The following TPRG1 variants were observed in gnomAD, a reference collection of about 807,000 sequenced individuals.
The protein encoded by TPRG1 is tumor protein p63-regulated gene 1 protein.
In TPRG1, 29 loss-of-function variants were observed where a neutral mutation model predicts 29.3. The ratio of observed to expected loss-of-function variants is 0.99; its 90% CI spans 0.74 to 1.35. The LOEUF is 1.35. Ranked by LOEUF, TPRG1 falls within the 40% of genes most tolerant of loss-of-function variation. The probability of loss-of-function intolerance (pLI) is 0.00; values close to 1 mark genes in which losing one functional copy is unlikely to be tolerated. For synonymous variants in TPRG1, 130 were observed against 116.8 expected (o/e 1.11, Z -0.73); for missense variants, 327 against 335.0 (o/e 0.98, Z 0.19).
At chr3:189,005,423 T>C (rs1473128222) in intron 3 of TPRG1, among the ~76,000 whole-genome samples, 2 of 152,072 alleles carry the variant, frequency 1.3e-5, no homozygotes, top group Non-Finnish European at 1.5e-5. Context: ...TTTGGCCCAA[T>C]CTAGAACTCT....
chr3:189,061,539 G>A (rs1028939427), intron 4 of TPRG1, among the ~76,000 whole-genome samples: 2 of 152,126 alleles, frequency 1.3e-5, no homozygotes, highest in Admixed American at 1.3e-4. Flanking sequence ...TGCAAACATT[G>A]CATCTGACAA....
At chr3:189,292,408 A>C (rs1279423654) in intron 4 of TPRG1, among the ~76,000 whole-genome samples, 1 of 150,876 alleles carries the variant, frequency 6.6e-6, no homozygotes, top group Non-Finnish European at 1.5e-5. Context: ...CTTTGGAGCT[A>C]GTGAGTGTGT....
chr3:189,160,260 C>T (rs1727294435), intron 5 of TPRG1, among the ~76,000 whole-genome samples: 1 of 152,148 alleles, frequency 6.6e-6, no homozygotes, highest in African/African-American at 2.4e-5. Flanking sequence ...GGGGTGATTT[C>T]TTCTTCACAG....
At chr3:189,135,638 C>A (rs1218296938) in intron 3 of TPRG1, among the ~76,000 whole-genome samples, 1 of 152,160 alleles carries the variant, frequency 6.6e-6, no homozygotes, top group African/African-American at 2.4e-5. Flanking sequence ...TTGCTCAGAG[C>A]CTTTAATAGG....
At chr3:189,103,082 T>G (rs942077531) in intron 1 of TPRG1, among the ~76,000 whole-genome samples, 1 of 152,206 alleles carries the variant, frequency 6.6e-6, no homozygotes, top group Non-Finnish European at 1.5e-5. Flanking sequence ...CAATTAACTC[T>G]CCACATCATG....
chr3:189,298,896 A>G (rs1474376641), intron 4 of TPRG1, among the ~76,000 whole-genome samples: 2 of 152,092 alleles, frequency 1.3e-5, no homozygotes, highest in African/African-American at 4.8e-5. Flanking sequence ...AGCCTTCTGT[A>G]CCCACCACCC....
At chr3:189,228,075 C>T (rs1012707779) in intron 3 of TPRG1, among the ~76,000 whole-genome samples, 2 of 152,084 alleles carry the variant, frequency 1.3e-5, no homozygotes, top group African/African-American at 2.4e-5. Context: ...GAGTCGAGAT[C>T]GCCCCACTGC....
intron 1 of TPRG1, among the ~76,000 whole-genome samples, chr3:189,205,014 T>C (rs982222411): frequency 2.6e-5 from 4 of 151,830 alleles, no homozygotes; most frequent in Admixed American, 6.6e-5. Context: ...CCTTGTTTTC[T>C]CAGAGACCAA....
At position 189,178,761 on chromosome 3, in the gene TPRG1, T is replaced by G. The variant is rs77044893; in HGVS notation, c.-10+6630T>G. On this transcript the variant is annotated intron_variant, in intron 1 of 5. Coordinates refer to ENST00000345063, the MANE Select transcript of TPRG1 (RefSeq NM_198485.4). ...TCTCTTCACTGCCTTACTCTACTCA[T>G]AATTTTGGAGATAACTTATAGCTTT... is the stretch of plus-strand genomic sequence containing the variant. Among the ~76,000 whole-genome samples, 1,078 of 152,306 alleles carry G rather than the reference T, an allele frequency of 7.1e-3. 14 individuals carry two copies. Among genetic ancestry groups the G allele is most frequent in the African/African-American group, 0.024 (1,018 of 41,560 alleles).
intron 5 of TPRG1, among the ~76,000 whole-genome samples, chr3:189,159,458 G>A (rs1727153940): frequency 6.6e-6 from 1 of 152,140 alleles, no homozygotes; most frequent in Admixed American, 6.5e-5. Context: ...AGTGAGAGAT[G>A]ATTCTGGAGG....
chr3:189,031,502 G>C (rs1713933921), intron 4 of TPRG1, among the ~76,000 whole-genome samples: 1 of 152,178 alleles, frequency 6.6e-6, no homozygotes, highest in Non-Finnish European at 1.5e-5. Flanking sequence ...TTGGGTGGTA[G>C]GTTAGTATTT....
intron 5 of TPRG1, among the ~76,000 whole-genome samples, chr3:189,316,194 C>A (rs1324449605): frequency 6.6e-6 from 1 of 152,114 alleles, no homozygotes; most frequent in Non-Finnish European, 1.5e-5. Context: ...TGGGTAGAAA[C>A]CTCTCTTGTG....
chr3:189,048,766 A>T (rs1428403063), intron 4 of TPRG1, among the ~76,000 whole-genome samples: 4 of 152,200 alleles, frequency 2.6e-5, no homozygotes, highest in Non-Finnish European at 5.9e-5. Context: ...GACCCTCTGA[A>T]GGAAGCGAAT....
intron 4 of TPRG1, among the ~76,000 whole-genome samples, chr3:189,240,004 C>A (rs568950845): frequency 5.9e-5 from 9 of 152,116 alleles, no homozygotes; most frequent in Admixed American, 3.3e-4. Flanking sequence ...GAATTCCTTG[C>A]GGGCAAATGT....
At chr3:189,018,709 T>A (rs2152124057) in intron 3 of TPRG1, among the ~76,000 whole-genome samples, 1 of 152,010 alleles carries the variant, frequency 6.6e-6, no homozygotes, top group South Asian at 2.1e-4. Flanking sequence ...GACTTGGCAT[T>A]GCAGGCTCTT....
In TPRG1 at chr3:189,320,767, G is replaced by T. The variant is rs983529659; in HGVS notation, c.775G>T (p.Gly259Ter). 1 of 1,610,640 alleles carries T rather than the reference G, an allele frequency of 6.2e-7. No individual in the cohort carries two copies. Among genetic ancestry groups the T allele is most frequent in the Admixed American group, 1.7e-5 (1 of 59,492 alleles). The change falls in exon 6 of 6, where the codon GGA (glycine) becomes TGA (stop). Residue 259 changes from glycine to a stop codon, truncating the protein, a stop_gained. Coordinates refer to ENST00000345063, the MANE Select transcript of TPRG1 (RefSeq NM_198485.4). LOFTEE classifies it high-confidence loss of function. ...CTACACAGGGCTGATGTCATTCATT[G>T]GAAACCGCAACAAACTTGGCTATTC... Reference protein sequence around the residue: ...ETYTGLMSFIGNRNKLGYSLA... With the variant: ...ETYTGLMSFI
At chr3:189,026,998 TG>T (rs1163330330) in intron 4 of TPRG1, among the ~76,000 whole-genome samples, 4 of 152,222 alleles carry the variant, frequency 2.6e-5, no homozygotes, top group African/African-American at 9.6e-5. Flanking sequence ...TTTGATTTTT[TG>T]TAAGTAAAAT....
chr3:189,238,779 GA>G lies in TPRG1; in HGVS notation c.350del (p.Asp117AlafsTer5). On this transcript the variant is annotated frameshift_variant, in exon 4 of 6. Transcript: ENST00000345063. LOFTEE classifies it high-confidence loss of function. ...GAAGGAGAGAATTCTACTGGTCACA[GA>G]CAAGACTCTCTTGATCTGCAAATAC... ...NEKERILLVT[D>X]KTLLICKYDF... is the part of the protein sequence containing the mutation. The G allele has an allele frequency of 6.2e-7, 1 of 1,613,682 alleles. No homozygotes were observed. Among genetic ancestry groups the G allele is most frequent in the Non-Finnish European group, 8.5e-7 (1 of 1,179,684 alleles).
At chr3:189,176,192 T>C (rs139384412) in intron 1 of TPRG1, among the ~76,000 whole-genome samples, 142 of 152,332 alleles carry the variant, frequency 9.3e-4, no homozygotes, top group African/African-American at 3.3e-3. Flanking sequence ...TGTGTATGAT[T>C]GTGTGTGGGA....
Sources: allele counts gnomAD v4.1 joint callset (sites outside exome capture counted in the v4.1 genomes callset), GRCh38; gene constraint gnomAD v4.1.1; transcripts MANE v1.5; gene names NCBI Gene and HGNC (gene_info 2026-07-23, HGNC 2026-07-21).